UGT2B17: variants seen among roughly 807,000 people sequenced by gnomAD.
UGT2B17 encodes UDP-glucuronosyltransferase 2B17.
In UGT2B17, 21 loss-of-function variants were observed where a neutral mutation model predicts 48.2. That is an observed-to-expected ratio of 0.44 (90% confidence interval 0.31 to 0.63). UGT2B17 has a LOEUF of 0.63. Ranked by LOEUF, UGT2B17 falls within the 20% of genes least tolerant of loss-of-function variation. The pLI, the probability that UGT2B17 is intolerant of heterozygous loss-of-function variation, is 0.08. For missense variants in UGT2B17, 402 were observed against 696.1 expected (o/e 0.58, Z 4.75); for synonymous variants, 146 against 238.4 (o/e 0.61, Z 3.57).
At position 68,562,922 on chromosome 4, in the gene UGT2B17, T is replaced by C. The variant is rs1196151463; in HGVS notation, c.874-2254A>G. ...TATACCTGTACTACAGCTGACAGTG[T>C]AATTAAACATTGTTTTGAAAAAATG... On this transcript the variant is annotated intron_variant, in intron 3 of 6. Transcript: ENST00000317746. 5.5e-5 allele frequency among the ~76,000 whole-genome samples: 7 copies of C among 126,718 alleles called. 1 individual carries two copies. Among genetic ancestry groups the C allele is most frequent in the Non-Finnish European group, 1.0e-4 (6 of 59,770 alleles). The allele number at this position is 126,718 out of a possible 152,430, so 83.1% of individuals were successfully genotyped here.
intron 6 of UGT2B17, among the ~76,000 whole-genome samples, chr4:68,541,312 G>GT: frequency 7.9e-6 from 1 of 125,966 alleles, no homozygotes; most frequent in Non-Finnish European, 1.7e-5. Context: ...AGCATCTGTT[G>GT]TTTTTTGACT....
At chr4:68,564,276 A>G (rs1327864714) in intron 3 of UGT2B17, among the ~76,000 whole-genome samples, 1 of 87,540 alleles carries the variant, frequency 1.1e-5, no homozygotes. Context: ...CAAATTTCAT[A>G]TATATATATA....
In UGT2B17 at chr4:68,563,331, C is replaced by T. The variant is rs561027946; in HGVS notation, c.873+2241G>A. Among the ~76,000 whole-genome samples the T allele has an allele frequency of 4.3e-4, 55 of 127,284 alleles. 18 individuals are homozygous for T. In the South Asian group the frequency reaches 0.01, roughly 23 times the overall value. 83.5% of individuals were successfully genotyped at this position (127,284 alleles called of 152,430 possible). On this transcript the variant is annotated intron_variant, in intron 3 of 6. Transcript: ENST00000317746. ...GCAGGTTAACAACAACAGCCAGTGC[C>T]GGGCACGGAGGCTCACACTTGTAAT...
chr4:68,542,821 C>T lies in UGT2B17; in HGVS notation c.1314-4917G>A, dbSNP rs182643887. The stretch of plus-strand genomic sequence containing the variant: ...CGCGCACCTGGCTCAGAGGGTCCTA[C>T]GCCCACGGAGCCTCGCTCATTGCTA... On this transcript the variant is annotated intron_variant, in intron 6 of 6. Coordinates refer to ENST00000317746, the MANE Select transcript of UGT2B17 (RefSeq NM_001077.4). 1.2e-4 allele frequency among the ~76,000 whole-genome samples: 15 copies of T among 127,152 alleles called. 4 individuals are homozygous for T. The highest frequency in any genetic ancestry group is 2.4e-4 in the African/African-American group (9 of 37,280). 83.4% of individuals were successfully genotyped at this position (127,152 alleles called of 152,430 possible). A position where few individuals can be genotyped will look rare whatever the true frequency, so the allele number is the denominator to read the frequency against.
chr4:68,570,594 G>A lies in UGT2B17; in HGVS notation c.-64-2046C>T, dbSNP rs796274641. ...AGACTCTCACTTTTTATTAGTGGGA[G>A]TTCTCACTCATTTTTTTACTTATGT... On this transcript the variant is annotated intron_variant, in intron 1 of 6. Coordinates refer to ENST00000317746, the MANE Select transcript of UGT2B17 (RefSeq NM_001077.4). Among the ~76,000 whole-genome samples, 83 of 126,156 alleles carry A rather than the reference G, an allele frequency of 6.6e-4. 17 individuals are homozygous for A. The highest frequency in any genetic ancestry group is 2.1e-3 in the African/African-American group (77 of 36,874). The allele number at this position is 126,156 out of a possible 152,430, so 82.8% of individuals were successfully genotyped here.
rs1268578832 is a variant in UGT2B17 at position 68,548,466 on chromosome 4, C to T, written c.1313+2211G>A. On this transcript the variant is annotated intron_variant, in intron 6 of 6. Transcript: ENST00000317746. ...GGGAGGGATAGCATTAGGAGATACA[C>T]TTAATGTTAAATGACGAGTTAATGG... is the stretch of plus-strand genomic sequence containing the variant. 1.1e-4 allele frequency among the ~76,000 whole-genome samples: 14 copies of T among 124,754 alleles called. 3 individuals are homozygous for T. The highest frequency in any genetic ancestry group is 3.8e-4 in the African/African-American group (14 of 36,468). 81.8% of individuals were successfully genotyped at this position (124,754 alleles called of 152,430 possible).
intron 1 of UGT2B17, among the ~76,000 whole-genome samples, chr4:68,569,451 G>C (rs531741588): frequency 7.9e-6 from 1 of 125,816 alleles, no homozygotes; most frequent in Non-Finnish European, 1.7e-5. Flanking sequence ...GGAAGTAGCA[G>C]AAAGGTACTG....
intron 1 of UGT2B17, among the ~76,000 whole-genome samples, chr4:68,575,579 A>C (rs1261202530): frequency 7.9e-6 from 1 of 125,842 alleles, no homozygotes; most frequent in Non-Finnish European, 1.7e-5. Flanking sequence ...CACCATGCTC[A>C]CAGCACACAC....
chr4:68,560,271 T>TA lies in UGT2B17; in HGVS notation c.1005+265dup, dbSNP rs576844125. ...AGTGATTTCTATGTACATGCTACGA[T>TA]ACCATGATAATACCAAACTTCACTA... On this transcript the variant is annotated intron_variant, in intron 4 of 6. Transcript: ENST00000317746. Among the ~76,000 whole-genome samples, 676 of 114,380 alleles carry TA rather than the reference T, an allele frequency of 5.9e-3. 28 individuals carry two copies. The highest frequency in any genetic ancestry group is 9.6e-3 in the Admixed American group (105 of 10,976). The allele number at this position is 114,380 out of a possible 152,430, so 75.0% of individuals were successfully genotyped here. A position where few individuals can be genotyped will look rare whatever the true frequency, so the allele number is the denominator to read the frequency against.
intron 4 of UGT2B17, among the ~76,000 whole-genome samples, chr4:68,558,657 C>T (rs1049516727): frequency 7.9e-6 from 1 of 125,944 alleles, no homozygotes; most frequent in Non-Finnish European, 1.7e-5. Flanking sequence ...TAACTCAGGA[C>T]CTGCTTAGGA....
intron 1 of UGT2B17, among the ~76,000 whole-genome samples, chr4:68,569,527 G>T (rs6858064): frequency 0.098 from 12,182 of 124,834 alleles, 3,351 homozygotes; most frequent in East Asian, 0.33. Flanking sequence ...TAGGAGGGTG[G>T]CCAGCGGAGC....
intron 1 of UGT2B17, among the ~76,000 whole-genome samples, chr4:68,570,352 G>A (rs1731279945): frequency 1.6e-5 from 2 of 126,916 alleles, no homozygotes; most frequent in Non-Finnish European, 3.4e-5. Context: ...TCTGTACAAT[G>A]TCTGGAATCT....
chr4:68,551,698 A>C (rs1730916174), intron 5 of UGT2B17, 126 bp downstream of exon 5: 1 of 656,862 alleles, frequency 1.5e-6, no homozygotes, highest in Non-Finnish European at 2.1e-6. Flanking sequence ...AATATAAAGT[A>C]GTTAAATTTG....
At chr4:68,564,913 G>T (rs1325919813) in intron 3 of UGT2B17, among the ~76,000 whole-genome samples, 4 of 124,184 alleles carry the variant, frequency 3.2e-5, no homozygotes, top group Admixed American at 8.3e-5. Context: ...TTACCATGTT[G>T]CCCAGGCTGG....
At position 68,537,356 on chromosome 4, in the gene UGT2B17, G is replaced by A; in HGVS notation, c.*269C>T. 1 of 207,214 alleles carries A rather than the reference G, an allele frequency of 4.8e-6. No homozygotes were observed. Among genetic ancestry groups the A allele is most frequent in the African/African-American group, 2.5e-5 (1 of 40,656 alleles). 12.8% of individuals were successfully genotyped at this position (207,214 alleles called of 1,614,324 possible). A position where few individuals can be genotyped will look rare whatever the true frequency, so the allele number is the denominator to read the frequency against. On this transcript the variant is annotated 3_prime_UTR_variant, in exon 7 of 7. Transcript: ENST00000317746. ...AAGGAAGCTCAGTAACTTTTGTGTG[G>A]GGTAACTTTTGGATTAGAATAATAA... is the stretch of plus-strand genomic sequence containing the variant.
At position 68,538,630 on chromosome 4, in the gene UGT2B17, C is replaced by T. The variant is rs1223573337; in HGVS notation, c.1314-726G>A. 4.0e-5 allele frequency among the ~76,000 whole-genome samples: 5 copies of T among 126,312 alleles called. 1 individual carries two copies. The highest frequency in any genetic ancestry group is 1.5e-3 in the East Asian group (2 of 1,318). 82.9% of individuals were successfully genotyped at this position (126,312 alleles called of 152,430 possible). A position where few individuals can be genotyped will look rare whatever the true frequency, so the allele number is the denominator to read the frequency against. ...TTCTACTCTAATCTTCTGTCTTCTA[C>T]CGTATTTTCCTACTAGTAGCCAGAA... is the stretch of plus-strand genomic sequence containing the variant. On this transcript the variant is annotated intron_variant, in intron 6 of 6. Transcript: ENST00000317746.
intron 6 of UGT2B17, among the ~76,000 whole-genome samples, chr4:68,538,370 G>C (rs1234406065): frequency 8.1e-6 from 1 of 123,564 alleles, no homozygotes; most frequent in Non-Finnish European, 1.7e-5. Flanking sequence ...GAGAAGCTGG[G>C]GCTACAGCTG....
Position 68,537,570 on chromosome 4 carries a change from G to A in UGT2B17, c.*55C>T, listed in dbSNP as rs1260867558. ...TCCTCCATTTAAAACCCTCCATGCT[G>A]GAATAAAGGAGGAGTCCCATCTTTT... On this transcript the variant is annotated 3_prime_UTR_variant, in exon 7 of 7. Transcript: ENST00000317746. 48 of 1,255,316 alleles carry A rather than the reference G, an allele frequency of 3.8e-5. 14 individuals carry two copies. The South Asian group carries it at 1.1e-3, about 29-fold the overall frequency. 77.8% of individuals were successfully genotyped at this position (1,255,316 alleles called of 1,614,324 possible). A position where few individuals can be genotyped will look rare whatever the true frequency, so the allele number is the denominator to read the frequency against.
chr4:68,542,988 C>T lies in UGT2B17; in HGVS notation c.1314-5084G>A, dbSNP rs547054353. Among the ~76,000 whole-genome samples, 10 of 126,802 alleles carry T rather than the reference C, an allele frequency of 7.9e-5. 2 individuals are homozygous for T. Among genetic ancestry groups the T allele is most frequent in the African/African-American group, 2.7e-4 (10 of 37,146 alleles). The allele number at this position is 126,802 out of a possible 152,430, so 83.2% of individuals were successfully genotyped here. A position where few individuals can be genotyped will look rare whatever the true frequency, so the allele number is the denominator to read the frequency against. ...CCCACCGCAGCTCAAGGACGCCTGC[C>T]TGCCTCTGTAGATCCACCTCTGGGG... is the stretch of plus-strand genomic sequence containing the variant. On this transcript the variant is annotated intron_variant, in intron 6 of 6. Coordinates refer to ENST00000317746, the MANE Select transcript of UGT2B17 (RefSeq NM_001077.4).
Sources: allele counts gnomAD v4.1 joint callset (sites outside exome capture counted in the v4.1 genomes callset), GRCh38; gene constraint gnomAD v4.1.1; transcripts MANE v1.5; gene names NCBI Gene and HGNC (gene_info 2026-07-23, HGNC 2026-07-21).